B3GAT2: variants seen among roughly 807,000 people sequenced by gnomAD.
B3GAT2 encodes the protein beta-1,3-glucuronyltransferase 2, also known as galactosylgalactosylxylosylprotein 3-beta-glucuronosyltransferase 2.
A neutral mutation model predicts 27.8 loss-of-function variants in B3GAT2; 26 were observed. That is an observed-to-expected ratio of 0.93 (90% CI 0.68 to 1.30). B3GAT2 has a LOEUF of 1.30. Among genes scored for constraint, B3GAT2 ranks in the 50% most tolerant of loss-of-function variants. B3GAT2 has a pLI of 0.00. For synonymous variants in B3GAT2, 218 were observed against 195.1 expected (o/e 1.12, Z -0.98); for missense variants, 458 against 459.0 (o/e 1.00, Z 0.02).
intron 2 of B3GAT2, 73 bp from the exon 3 acceptor site, chr6:70,862,051 G>T (rs1156508767): frequency 7.0e-7 from 1 of 1,430,034 alleles, no homozygotes; most frequent in South Asian, 1.5e-5. Flanking sequence ...GTATAATTTT[G>T]GTCACATCAA....
In B3GAT2 at chr6:70,861,940, T is replaced by A; in HGVS notation, c.775A>T (p.Lys259Ter). ...VSLQVILSNPKAVFKRRGSQP... is the reference protein window; with the variant it reads ...VSLQVILSNP ...GATCCACGACGCTTAAATACAGCTT[T>A]TGGATTGGACAAAATGACTTGAAGA... is the stretch of plus-strand genomic sequence containing the variant. Residue 259 changes from lysine to a stop codon, truncating the protein, a stop_gained, in exon 3 of 4, where the codon AAA becomes TAA. Coordinates refer to ENST00000230053, the MANE Select transcript of B3GAT2 (RefSeq NM_080742.3). LOFTEE classifies it high-confidence loss of function. 1 of 1,613,980 alleles carries A rather than the reference T, an allele frequency of 6.2e-7. No individual in the cohort carries two copies. Among genetic ancestry groups the A allele is most frequent in the Non-Finnish European group, 8.5e-7 (1 of 1,179,900 alleles).
At chr6:70,942,955 T>C (rs757157068) in intron 1 of B3GAT2, among the ~76,000 whole-genome samples, 15 of 152,130 alleles carry the variant, frequency 9.9e-5, no homozygotes, top group Admixed American at 6.5e-4. Flanking sequence ...TTTAGGAATA[T>C]CTGCAGTTCA....
At chr6:70,901,210 C>T (rs1772492998) in intron 1 of B3GAT2, among the ~76,000 whole-genome samples, 1 of 152,194 alleles carries the variant, frequency 6.6e-6, no homozygotes, top group Non-Finnish European at 1.5e-5. Context: ...GCATCCCCCT[C>T]CTAATGATTT....
chr6:70,908,716 G>C (rs1772639580), intron 1 of B3GAT2, among the ~76,000 whole-genome samples: 2 of 152,064 alleles, frequency 1.3e-5, no homozygotes, highest in African/African-American at 4.8e-5. Flanking sequence ...TAAGGATAAA[G>C]GGAAATAAAC....
chr6:70,954,906 C>T (rs1259503223), intron 1 of B3GAT2, among the ~76,000 whole-genome samples: 4 of 89,090 alleles, frequency 4.5e-5, no homozygotes, highest in African/African-American at 1.1e-4. Flanking sequence ...CTGTGCCTGC[C>T]GGGGGCGGCG....
At chr6:70,885,564 T>A (rs1015406917) in intron 2 of B3GAT2, among the ~76,000 whole-genome samples, 1 of 152,100 alleles carries the variant, frequency 6.6e-6, no homozygotes. Flanking sequence ...TGAATGATAA[T>A]GAGCACAGGT....
chr6:70,869,785 A>C (rs1185555363), intron 2 of B3GAT2, among the ~76,000 whole-genome samples: 1 of 152,240 alleles, frequency 6.6e-6, no homozygotes, highest in Non-Finnish European at 1.5e-5. Flanking sequence ...TAGCATTAAC[A>C]GTTGTGTGTG....
chr6:70,869,162 A>G (rs1429822641), intron 2 of B3GAT2, among the ~76,000 whole-genome samples: 1 of 152,122 alleles, frequency 6.6e-6, no homozygotes, highest in Admixed American at 6.6e-5. Flanking sequence ...TTATGTCAGT[A>G]CCACACTGTA....
intron 1 of B3GAT2, among the ~76,000 whole-genome samples, chr6:70,936,497 T>A (rs989386441): frequency 6.6e-5 from 10 of 152,206 alleles, no homozygotes; most frequent in African/African-American, 2.2e-4. Flanking sequence ...GACCACATAG[T>A]TGGAAGTAAA....
rs1771491102 is a variant in B3GAT2, at chr6:70,857,710, T to TCC, written c.*3952_*3953insGG. On this transcript the variant is annotated 3_prime_UTR_variant, in exon 4 of 4. Transcript: ENST00000230053. ...ATATGATTTACATTTCTTAATTAAA[T>TCC]TTACTCAGGTTAATAACTGATTTGT... 3 of 564,386 alleles carry TCC rather than the reference T, an allele frequency of 5.3e-6. No homozygotes were observed. The highest frequency in any genetic ancestry group is 9.4e-6 in the Non-Finnish European group (3 of 319,012). The allele number at this position is 564,386 out of a possible 1,614,324, so 35.0% of individuals were successfully genotyped here.
intron 1 of B3GAT2, among the ~76,000 whole-genome samples, chr6:70,946,090 C>A (rs377730664): frequency 6.6e-6 from 1 of 151,944 alleles, no homozygotes; most frequent in Admixed American, 6.6e-5. Flanking sequence ...CATGGAAAGG[C>A]ACAACCGGTA....
chr6:70,857,458 G>A lies in B3GAT2; in HGVS notation c.*4205C>T. ...ATTAGCATAAGCCTTATTGTTTACAGAGTTTTAATCTTTCACACCATTTCC... is the reference window on the plus strand; with the variant it reads ...ATTAGCATAAGCCTTATTGTTTACAAAGTTTTAATCTTTCACACCATTTCC... On this transcript the variant is annotated 3_prime_UTR_variant, in exon 4 of 4. Coordinates refer to ENST00000230053, the MANE Select transcript of B3GAT2 (RefSeq NM_080742.3). The A allele has an allele frequency of 5.9e-6, 1 of 168,928 alleles. No individual in the cohort carries two copies. The highest frequency in any genetic ancestry group is 1.3e-5 in the Non-Finnish European group (1 of 78,362). The allele number at this position is 168,928 out of a possible 1,614,324, so 10.5% of individuals were successfully genotyped here.
At chr6:70,884,484 C>G (rs759570324) in intron 2 of B3GAT2, among the ~76,000 whole-genome samples, 2 of 152,156 alleles carry the variant, frequency 1.3e-5, no homozygotes, top group African/African-American at 4.8e-5. Flanking sequence ...CAGGCAGACC[C>G]GAGCGCCCTC....
At chr6:70,899,886 T>C (rs538049275) in intron 1 of B3GAT2, among the ~76,000 whole-genome samples, 1 of 152,336 alleles carries the variant, frequency 6.6e-6, no homozygotes, top group Admixed American at 6.5e-5. Flanking sequence ...TATCTTCATG[T>C]AACTAAAATA....
At chr6:70,943,836 G>A (rs189293647) in intron 1 of B3GAT2, among the ~76,000 whole-genome samples, 5 of 152,082 alleles carry the variant, frequency 3.3e-5, no homozygotes, top group Non-Finnish European at 5.9e-5. Context: ...TTGGTCAAAG[G>A]ATACAAAATT....
chr6:70,939,284 T>G (rs1352340671), intron 1 of B3GAT2, among the ~76,000 whole-genome samples: 1 of 104,648 alleles, frequency 9.6e-6, no homozygotes, highest in Non-Finnish European at 1.9e-5. Flanking sequence ...TAGGAACACT[T>G]TTACACTGTT....
intron 1 of B3GAT2, among the ~76,000 whole-genome samples, chr6:70,937,006 G>C (rs1380445762): frequency 3.3e-5 from 5 of 151,738 alleles, no homozygotes; most frequent in African/African-American, 9.7e-5. Context: ...TAGACCACTA[G>C]CAAGACTAAT....
At chr6:70,947,385 A>T (rs1582400638) in intron 1 of B3GAT2, among the ~76,000 whole-genome samples, 2 of 152,298 alleles carry the variant, frequency 1.3e-5, no homozygotes, top group African/African-American at 4.8e-5. Flanking sequence ...CACAAAAAAA[A>T]TGATAAAGGG....
intron 2 of B3GAT2, among the ~76,000 whole-genome samples, chr6:70,875,489 T>C (rs1017071044): frequency 6.6e-6 from 1 of 152,250 alleles, no homozygotes; most frequent in Non-Finnish European, 1.5e-5. Context: ...CTTTATAATT[T>C]TCATGGCTCT....
Sources: allele counts gnomAD v4.1 joint callset (sites outside exome capture counted in the v4.1 genomes callset), GRCh38; gene constraint gnomAD v4.1.1; transcripts MANE v1.5; gene names NCBI Gene and HGNC (gene_info 2026-07-23, HGNC 2026-07-21).